The following C5 variants were observed in gnomAD, a reference collection of about 807,000 sequenced individuals.
C5 encodes C3 and PZP-like alpha-2-macroglobulin domain-containing protein 4.
A neutral mutation model predicts 218.8 loss-of-function variants in C5; 140 were observed. The ratio of observed to expected loss-of-function variants is 0.64; its 90% CI spans 0.56 to 0.74. C5 has a LOEUF of 0.74. Ranked by LOEUF, C5 falls within the 30% of genes least tolerant of loss-of-function variation. The probability of loss-of-function intolerance (pLI) is 0.00; values close to 1 mark genes in which losing one functional copy is unlikely to be tolerated. For synonymous variants in C5, 614 were observed against 682.3 expected (o/e 0.90, Z 1.56); for missense variants, 1,700 against 1,969.6 (o/e 0.86, Z 2.59).
At chr9:120,991,903 G>A (rs2047079472) in intron 22 of C5, among the ~76,000 whole-genome samples, 1 of 152,190 alleles carries the variant, frequency 6.6e-6, no homozygotes, top group Non-Finnish European at 1.5e-5. Flanking sequence ...AGTCCTCTAT[G>A]TTAGGTCTAT....
At chr9:121,005,548 A>T (rs1010133930) in intron 20 of C5, among the ~76,000 whole-genome samples, 1 of 152,216 alleles carries the variant, frequency 6.6e-6, no homozygotes, top group Non-Finnish European at 1.5e-5. Context: ...TATAAAGTGA[A>T]GATGAGTATG....
intron 33 of C5, among the ~76,000 whole-genome samples, chr9:120,968,433 G>A (rs985492319): frequency 6.6e-6 from 1 of 152,178 alleles, no homozygotes; most frequent in African/African-American, 2.4e-5. Context: ...TTGATTTTGG[G>A]ACTTCTCACC....
intron 3 of C5, among the ~76,000 whole-genome samples, chr9:121,039,324 A>G (rs2131811983): frequency 6.6e-6 from 1 of 152,276 alleles, no homozygotes; most frequent in African/African-American, 2.4e-5. Flanking sequence ...GGCAAGATCT[A>G]TACAATTTTT....
intron 12 of C5, 40 bp downstream of exon 12, chr9:121,019,936 G>C (rs764059444): frequency 7.7e-7 from 1 of 1,295,598 alleles, no homozygotes; most frequent in East Asian, 2.3e-5. Flanking sequence ...AAATGTTCCA[G>C]GTGGGGGAAT....
intron 28 of C5, 59 bp downstream of exon 28, chr9:120,980,024 C>G (rs1313792417): frequency 6.6e-7 from 1 of 1,514,394 alleles, no homozygotes; most frequent in African/African-American, 1.4e-5. Flanking sequence ...ACTTCCCAGA[C>G]TAGCAGACTT....
rs1163982741 is a variant in C5, at chr9:120,963,660, A to C, written c.4299T>G (p.Ser1433Arg). ...CGGCTTTTAAGTCTTCTTCATTTGC[A>C]CTGATTCCAGTAGGCAAGGAGATGT... is the stretch of plus-strand genomic sequence containing the variant. The part of the protein sequence containing the change: ...VMDISLPTGI[S>R]ANEEDLKALV... The change falls in exon 34 of 41, where the codon AGT becomes AGG. Residue 1433 changes from serine (S) to arginine (R), a missense_variant. Transcript: ENST00000223642. 1 of 1,613,342 alleles carries C rather than the reference A, an allele frequency of 6.2e-7. No individual in the cohort carries two copies. Among genetic ancestry groups the C allele is most frequent in the Non-Finnish European group, 8.5e-7 (1 of 1,179,302 alleles).
chr9:121,017,822 C>G lies in C5; in HGVS notation c.1537G>C (p.Gly513Arg). 6.2e-7 allele frequency: 1 copy of G among 1,612,964 alleles called. No homozygotes were observed. Among genetic ancestry groups the G allele is most frequent in the South Asian group, 1.1e-5 (1 of 91,030 alleles). ...GCATCTGAAAATTTCTCCCTCGTGC[C>G]AAAGTGGATAATTTTGCCCTTGGAT... ...ILSKGKIIHF[G>R]TREKFSDASY... The change falls in exon 13 of 41, where the codon GGC (glycine) becomes CGC (arginine). Residue 513 changes from glycine to arginine, a missense_variant. Gly to Arg is a moderately radical substitution (Grantham distance 125). Transcript: ENST00000223642.
intron 1 of C5, among the ~76,000 whole-genome samples, chr9:121,049,245 C>G (rs2047653669): frequency 6.6e-6 from 1 of 152,112 alleles, no homozygotes; most frequent in African/African-American, 2.4e-5. Context: ...CAGAATAAGT[C>G]TGGACAAGAA....
At chr9:121,067,541 G>C in the C5 span, among the ~76,000 whole-genome samples, 1 of 151,006 alleles carries the variant, frequency 6.6e-6, no homozygotes, top group Non-Finnish European at 1.5e-5. Context: ...TCGCAGCTTG[G>C]TTGGTGACAG....
intron 4 of C5, among the ~76,000 whole-genome samples, chr9:121,035,173 T>C (rs2047513064): frequency 6.6e-6 from 1 of 152,126 alleles, no homozygotes; most frequent in Admixed American, 6.6e-5. Flanking sequence ...AAAGATGAAG[T>C]GTAACAACAC....
intron 15 of C5, among the ~76,000 whole-genome samples, chr9:121,015,591 T>G (rs1337176390): frequency 6.6e-6 from 1 of 152,210 alleles, no homozygotes; most frequent in Non-Finnish European, 1.5e-5. Flanking sequence ...CTATTTTTAT[T>G]ATTTGCTCTT....
chr9:121,051,725 T>C (rs888592210), upstream of C5, among the ~76,000 whole-genome samples: 1 of 152,210 alleles, frequency 6.6e-6, no homozygotes, highest in Non-Finnish European at 1.5e-5. Context: ...AAATTTGATA[T>C]ACAAATTTCA....
intron 22 of C5, among the ~76,000 whole-genome samples, chr9:120,995,026 A>G (rs1183629619): frequency 6.6e-6 from 1 of 152,180 alleles, no homozygotes; most frequent in Non-Finnish European, 1.5e-5. Context: ...ATCTCTACCC[A>G]TAGATCATTC....
chr9:120,970,105 GCT>G, intron 32 of C5, 63 bp downstream of exon 32: 1 of 1,085,512 alleles, frequency 9.2e-7, no homozygotes, highest in Non-Finnish European at 1.4e-6. Context: ...AATCAGAGAA[GCT>G]CTCTATTTAT....
At chr9:121,070,647 C>T in the C5 span, among the ~76,000 whole-genome samples, 1 of 151,696 alleles carries the variant, frequency 6.6e-6, no homozygotes, top group Admixed American at 6.6e-5. Context: ...GCCACATGTT[C>T]TCAGTCATAT....
chr9:121,002,540 C>T (rs1469513642), intron 20 of C5, among the ~76,000 whole-genome samples: 1 of 151,544 alleles, frequency 6.6e-6, no homozygotes, highest in East Asian at 1.9e-4. Context: ...TAATCATCTA[C>T]CAAAATCCTT....
intron 11 of C5, 63 bp downstream of exon 11, chr9:121,021,446 G>T: frequency 1.5e-6 from 2 of 1,358,012 alleles, no homozygotes; most frequent in Non-Finnish European, 2.1e-6. Context: ...CTGCACACTA[G>T]CCAAAACACA....
intron 20 of C5, among the ~76,000 whole-genome samples, chr9:121,004,978 C>T (rs2047204699): frequency 1.7e-5 from 1 of 60,222 alleles, no homozygotes; most frequent in Non-Finnish European, 3.5e-5. Flanking sequence ...AGCGAGACTC[C>T]GTCTTAAAAA....
intron 25 of C5, among the ~76,000 whole-genome samples, chr9:120,984,050 AATAC>A (rs1254199775): frequency 6.6e-6 from 1 of 152,202 alleles, no homozygotes; most frequent in Non-Finnish European, 1.5e-5. Flanking sequence ...GATCTATATT[AATAC>A]ATAAAGTTTC....
Sources: gnomAD v4.1 joint callset for allele counts (sites outside exome capture counted in the v4.1 genomes callset) on GRCh38, gnomAD v4.1.1 for gene constraint, MANE v1.5 for transcripts, NCBI Gene and HGNC (gene_info 2026-07-23, HGNC 2026-07-21) for gene names.